Variants in ARFIP1 observed in about 807,000 individuals in gnomAD.
The protein encoded by ARFIP1 is ARF interacting protein 1, also known as arfaptin-1.
A neutral mutation model predicts 42.5 loss-of-function variants in ARFIP1; 24 were observed. That is an observed-to-expected ratio of 0.57 (90% CI 0.41 to 0.80). The LOEUF is 0.80. ARFIP1 is among the 30% of genes least tolerant of loss of function. The pLI is 0.00. For synonymous variants in ARFIP1, 141 were observed against 153.7 expected (o/e 0.92, Z 0.61); for missense variants, 354 against 434.0 (o/e 0.82, Z 1.64).
chr4:152,867,582 A>G (rs1366502289), intron 3 of ARFIP1, among the ~76,000 whole-genome samples: 1 of 152,084 alleles, frequency 6.6e-6, no homozygotes, highest in African/African-American at 2.4e-5. Context: ...TGTAAAAGCA[A>G]TCTTTTAAAT....
intron 1 of ARFIP1, among the ~76,000 whole-genome samples, chr4:152,791,482 A>G (rs565083250): frequency 2.0e-5 from 3 of 152,324 alleles, no homozygotes; most frequent in Non-Finnish European, 2.9e-5. Context: ...TACGAAATCA[A>G]AACAAGTCTT....
chr4:152,888,000 C>A, intron 7 of ARFIP1, 133 bp from the exon 8 acceptor site: 1 of 543,078 alleles, frequency 1.8e-6, no homozygotes, highest in East Asian at 3.4e-5. Context: ...TCAAAAGCGT[C>A]AAGTAGAATA....
intron 3 of ARFIP1, among the ~76,000 whole-genome samples, chr4:152,869,763 G>A (rs62319922): frequency 0.027 from 4,080 of 152,266 alleles, 99 homozygotes; most frequent in South Asian, 0.11. Flanking sequence ...AGCTAATTAA[G>A]GCTCAGAGAT....
chr4:152,808,297 T>TTTTTTTTTTTTTTTTTTTTTG (rs1729163975), intron 1 of ARFIP1, among the ~76,000 whole-genome samples: 1 of 122,254 alleles, frequency 8.2e-6, no homozygotes, highest in Non-Finnish European at 1.7e-5. Flanking sequence ...TTTTTTTTTT[T>TTTTTTTTTTTTTTTTTTTTTG]TTTTTTTTTT....
At chr4:152,831,299 AAC>A (rs764769402) in intron 2 of ARFIP1, among the ~76,000 whole-genome samples, 80 of 152,246 alleles carry the variant, frequency 5.3e-4, no homozygotes, top group Admixed American at 9.2e-4. Context: ...ATATACAGTG[AAC>A]AAAAATATCT....
chr4:152,872,025 T>C (rs1734926465), intron 4 of ARFIP1, among the ~76,000 whole-genome samples: 1 of 152,164 alleles, frequency 6.6e-6, no homozygotes, highest in Admixed American at 6.5e-5. Flanking sequence ...GTTGTTGTAG[T>C]CTGCACATTA....
chr4:152,802,695 T>C (rs1384454034), intron 1 of ARFIP1, among the ~76,000 whole-genome samples: 1 of 152,210 alleles, frequency 6.6e-6, no homozygotes, highest in African/African-American at 2.4e-5. Context: ...TTAGATCCTT[T>C]CTAGAAAGTT....
intron 1 of ARFIP1, among the ~76,000 whole-genome samples, chr4:152,815,253 G>C (rs1010302905): frequency 2.0e-5 from 3 of 152,002 alleles, no homozygotes; most frequent in Non-Finnish European, 4.4e-5. Flanking sequence ...TTTGCATACT[G>C]TCAGTGGCTG....
chr4:152,807,830 C>T (rs1298566515), intron 1 of ARFIP1, among the ~76,000 whole-genome samples: 1 of 151,732 alleles, frequency 6.6e-6, no homozygotes, highest in African/African-American at 2.4e-5. Flanking sequence ...TTTTGCTTAC[C>T]CACGGTCATG....
chr4:152,904,489 C>T (rs1738137604), intron 8 of ARFIP1, among the ~76,000 whole-genome samples: 1 of 152,054 alleles, frequency 6.6e-6, no homozygotes, highest in African/African-American at 2.4e-5. Flanking sequence ...CGCACCTGGC[C>T]CCATCACCTA....
Position 152,804,089 on chromosome 4 carries a change from C to T in ARFIP1, c.-10+23863C>T, listed in dbSNP as rs1174161444. ...GTAATATATATTATATATAATATAA[C>T]GTAATATATATTATATATAATATAA... On this transcript the variant is annotated intron_variant, in intron 1 of 8. Transcript: ENST00000353617. Among the ~76,000 whole-genome samples the T allele has an allele frequency of 4.7e-3, 369 of 78,170 alleles. 29 individuals are homozygous for T. The highest frequency in any genetic ancestry group is 7.4e-3 in the Middle Eastern group (1 of 136). 51.3% of individuals were successfully genotyped at this position (78,170 alleles called of 152,430 possible). A position where few individuals can be genotyped will look rare whatever the true frequency, so the allele number is the denominator to read the frequency against.
At chr4:152,834,098 C>G (rs546651319) in intron 2 of ARFIP1, among the ~76,000 whole-genome samples, 1 of 152,112 alleles carries the variant, frequency 6.6e-6, no homozygotes, top group East Asian at 1.9e-4. Context: ...AGGTCCCAGA[C>G]TCTTTTAAAC....
intron 2 of ARFIP1, among the ~76,000 whole-genome samples, chr4:152,855,080 T>C (rs1578941078): frequency 1.3e-5 from 2 of 152,006 alleles, no homozygotes; most frequent in African/African-American, 4.8e-5. Flanking sequence ...TGTGCATGGG[T>C]ATTGGCAGTG....
intron 8 of ARFIP1, among the ~76,000 whole-genome samples, chr4:152,903,497 T>G (rs926694049): frequency 6.6e-6 from 1 of 151,868 alleles, no homozygotes; most frequent in Non-Finnish European, 1.5e-5. Context: ...TTTTTTTTTC[T>G]TTTGTTTTTA....
At chr4:152,824,928 A>C (rs550260362) in intron 1 of ARFIP1, among the ~76,000 whole-genome samples, 1 of 151,948 alleles carries the variant, frequency 6.6e-6, no homozygotes, top group African/African-American at 2.4e-5. Context: ...CAGTAACTCA[A>C]TTCCTTTTAC....
chr4:152,908,742 C>A (rs1738582282), intron 8 of ARFIP1, among the ~76,000 whole-genome samples: 2 of 152,004 alleles, frequency 1.3e-5, no homozygotes, highest in African/African-American at 2.4e-5. Flanking sequence ...TTTTTCTACC[C>A]TCTGTCAGGG....
intron 7 of ARFIP1, chr4:152,883,357 C>G (rs1057389709): frequency 6.6e-6 from 1 of 152,248 alleles, no homozygotes; most frequent in East Asian, 1.9e-4. Context: ...CCTAAATTTA[C>G]CTTTCATCCT....
chr4:152,851,323 C>T (rs1732959291), intron 2 of ARFIP1, among the ~76,000 whole-genome samples: 1 of 152,104 alleles, frequency 6.6e-6, no homozygotes, highest in African/African-American at 2.4e-5. Context: ...GAAAGATTAC[C>T]TGAGTGATTA....
intron 8 of ARFIP1, among the ~76,000 whole-genome samples, chr4:152,895,634 C>T (rs1037864412): frequency 5.5e-5 from 8 of 144,786 alleles, no homozygotes; most frequent in South Asian, 4.4e-4. Context: ...GATCATGGCT[C>T]ACTGCAGCCT....
Sources: allele counts gnomAD v4.1 joint callset (sites outside exome capture counted in the v4.1 genomes callset), GRCh38; gene constraint gnomAD v4.1.1; transcripts MANE v1.5; gene names NCBI Gene and HGNC (gene_info 2026-07-23, HGNC 2026-07-21).